The following CLSTN2 variants were observed in gnomAD, a reference collection of about 807,000 sequenced individuals.
The protein encoded by CLSTN2 is calsyntenin 2, also known as calsyntenin-2.
CLSTN2 carries 48 observed loss-of-function variants against 101.2 expected under a neutral mutation model. The observed-to-expected ratio is 0.47, with a 90% CI of 0.38 to 0.60. The LOEUF is 0.60. Ranked by LOEUF, CLSTN2 falls within the 20% of genes least tolerant of loss-of-function variation. The pLI is 0.00. For synonymous variants in CLSTN2, 481 were observed against 463.6 expected (o/e 1.04, Z -0.48); for missense variants, 1,160 against 1,238.2 (o/e 0.94, Z 0.95).
intron 1 of CLSTN2, among the ~76,000 whole-genome samples, chr3:140,130,643 T>C (rs534583923): frequency 2.6e-5 from 4 of 152,260 alleles, no homozygotes; most frequent in African/African-American, 9.6e-5. Context: ...ACTAATTTAA[T>C]GTGCAGCATT....
chr3:140,099,652 G>A (rs2008932127), intron 1 of CLSTN2, among the ~76,000 whole-genome samples: 1 of 152,068 alleles, frequency 6.6e-6, no homozygotes, highest in African/African-American at 2.4e-5. Flanking sequence ...CAAGAACTGG[G>A]TCCCATAGTC....
chr3:140,334,177 AC>A (rs2087418605), intron 2 of CLSTN2, among the ~76,000 whole-genome samples: 1 of 152,196 alleles, frequency 6.6e-6, no homozygotes, highest in African/African-American at 2.4e-5. Flanking sequence ...TGGAGATAGT[AC>A]ATATAAAGGT....
chr3:140,056,018 T>C, intron 1 of CLSTN2, among the ~76,000 whole-genome samples: 1 of 152,140 alleles, frequency 6.6e-6, no homozygotes, highest in South Asian at 2.1e-4. Context: ...ACCAAGAACT[T>C]TGTGGTCGTT....
At chr3:140,556,492 A>T (rs1188148152) in intron 10 of CLSTN2, 21 bp from the exon 11 acceptor site, 1 of 1,613,646 alleles carries the variant, frequency 6.2e-7, no homozygotes, top group South Asian at 1.1e-5. Context: ...CTCTTCCATG[A>T]TGCTCACTTT....
chr3:140,218,577 T>C (rs2086229725), intron 2 of CLSTN2, among the ~76,000 whole-genome samples: 1 of 152,096 alleles, frequency 6.6e-6, no homozygotes, highest in African/African-American at 2.4e-5. Flanking sequence ...CCTAAGTAGA[T>C]ACATTAAAAA....
intron 4 of CLSTN2, among the ~76,000 whole-genome samples, chr3:140,420,672 G>A (rs72983108): frequency 4.6e-5 from 7 of 152,214 alleles, no homozygotes; most frequent in African/African-American, 1.7e-4. Context: ...AGATGAGGCA[G>A]TGAACATTCC....
chr3:140,504,431 T>C (rs149828861), intron 8 of CLSTN2, among the ~76,000 whole-genome samples: 1 of 152,150 alleles, frequency 6.6e-6, no homozygotes, highest in Non-Finnish European at 1.5e-5. Flanking sequence ...AGTAATGGTA[T>C]CAAATGCAGT....
chr3:140,222,349 T>A (rs1223835830), intron 2 of CLSTN2, among the ~76,000 whole-genome samples: 3 of 151,504 alleles, frequency 2.0e-5, no homozygotes, highest in Non-Finnish European at 2.9e-5. Context: ...GGAAGGGAGG[T>A]GGGGATAGTT....
In CLSTN2 at chr3:140,466,680, C is replaced by T. The variant is rs766849608; in HGVS notation, c.1293C>T (p.Phe431=). 37 of 1,614,024 alleles carry T rather than the reference C, an allele frequency of 2.3e-5. No individual in the cohort carries two copies. The highest frequency in any genetic ancestry group is 2.8e-5 in the Non-Finnish European group (33 of 1,180,016). ...TCGTCTTTCTCTTGCGGAAGGACTT[C>T]GACCAGGCTGACACCTTTCGCCCCG... is the stretch of plus-strand genomic sequence containing the variant. ...CRLVFLLRKD[F]DQADTFRPAE... The change falls in exon 8 of 17, where the codon TTC becomes TTT. Residue 431 remains phenylalanine (F), a synonymous_variant. Transcript: ENST00000458420.
intron 7 of CLSTN2, among the ~76,000 whole-genome samples, chr3:140,464,149 C>CTT (rs1933629815): frequency 6.6e-6 from 1 of 152,156 alleles, no homozygotes; most frequent in Admixed American, 6.5e-5. Flanking sequence ...CTTTATACTT[C>CTT]TTTTCCTCTC....
At chr3:140,096,273 CCT>C (rs1343090187) in intron 1 of CLSTN2, among the ~76,000 whole-genome samples, 5 of 152,132 alleles carry the variant, frequency 3.3e-5, no homozygotes, top group Non-Finnish European at 7.3e-5. Context: ...TTCCTGTTTC[CCT>C]CTCTGGCCAA....
At chr3:139,995,779 C>T (rs193054367) in intron 1 of CLSTN2, among the ~76,000 whole-genome samples, 9 of 152,314 alleles carry the variant, frequency 5.9e-5, no homozygotes, top group African/African-American at 1.9e-4. Context: ...GGCCACAAGT[C>T]TCTAATCTGC....
At chr3:140,517,431 T>C (rs989756893) in intron 8 of CLSTN2, among the ~76,000 whole-genome samples, 1 of 152,234 alleles carries the variant, frequency 6.6e-6, no homozygotes, top group African/African-American at 2.4e-5. Flanking sequence ...TCTGGTTTCT[T>C]CTCATTTGGA....
At chr3:140,472,085 C>T (rs1300987840) in intron 8 of CLSTN2, among the ~76,000 whole-genome samples, 7 of 152,166 alleles carry the variant, frequency 4.6e-5, no homozygotes, top group Non-Finnish European at 8.8e-5. Context: ...ACAGAGAATG[C>T]TAAACTCCCC....
In CLSTN2 at chr3:140,317,191, G is replaced by A. The variant is rs549473380; in HGVS notation, c.233-86438G>A. Among the ~76,000 whole-genome samples the A allele has an allele frequency of 5.9e-5, 9 of 152,196 alleles. No homozygotes were observed. The East Asian group carries it at 1.4e-3, about 23-fold the overall frequency. On this transcript the variant is annotated intron_variant, in intron 2 of 16. Transcript: ENST00000458420. ...AACAATCTTCATGAATTATACCAAA[G>A]AAGTGTTGAGTGGACCAGATGGCTC...
chr3:140,516,896 G>C (rs2107771203), intron 8 of CLSTN2, among the ~76,000 whole-genome samples: 1 of 152,274 alleles, frequency 6.6e-6, no homozygotes, highest in East Asian at 1.9e-4. Flanking sequence ...AGCCATGGAA[G>C]TTTCCCTCAA....
chr3:140,374,305 T>G (rs1576538372), intron 2 of CLSTN2, among the ~76,000 whole-genome samples: 1 of 152,188 alleles, frequency 6.6e-6, no homozygotes, highest in Admixed American at 6.5e-5. Context: ...CCTCCTTTTT[T>G]TCTTCTTCCT....
intron 2 of CLSTN2, among the ~76,000 whole-genome samples, chr3:140,213,691 T>G (rs2010886106): frequency 6.6e-6 from 1 of 152,228 alleles, no homozygotes; most frequent in Non-Finnish European, 1.5e-5. Flanking sequence ...ATTCTAGGTC[T>G]GACCGTGTGA....
intron 1 of CLSTN2, among the ~76,000 whole-genome samples, chr3:140,085,479 A>G (rs1291423276): frequency 6.6e-6 from 1 of 152,188 alleles, no homozygotes; most frequent in Non-Finnish European, 1.5e-5. Context: ...TGCTGGGACC[A>G]ACCTCACCTA....
Sources: gnomAD v4.1 joint callset for allele counts (sites outside exome capture counted in the v4.1 genomes callset) on GRCh38, gnomAD v4.1.1 for gene constraint, MANE v1.5 for transcripts, NCBI Gene and HGNC (gene_info 2026-07-23, HGNC 2026-07-21) for gene names.